Variants in CSMD1 observed in about 807,000 individuals in gnomAD.
The protein encoded by CSMD1 is CUB and sushi domain-containing protein 1.
A neutral mutation model predicts 417.5 loss-of-function variants in CSMD1; 213 were observed. The observed-to-expected ratio is 0.51, with a 90% CI of 0.46 to 0.57. The LOEUF (loss-of-function observed/expected upper bound fraction) is 0.57, where lower values mean the gene tolerates loss of function less well. Ranked by LOEUF, CSMD1 falls within the 20% of genes least tolerant of loss-of-function variation. The probability of loss-of-function intolerance (pLI) is 0.00; values close to 1 mark genes in which losing one functional copy is unlikely to be tolerated. For synonymous variants in CSMD1, 2,862 were observed against 1,736.8 expected (o/e 1.65, Z -16.11); for missense variants, 6,923 against 4,529.7 (o/e 1.53, Z -15.17).
At chr8:4,597,142 A>G (rs1223264130) in intron 2 of CSMD1, among the ~76,000 whole-genome samples, 1 of 152,180 alleles carries the variant, frequency 6.6e-6, no homozygotes, top group Non-Finnish European at 1.5e-5. Flanking sequence ...CAGCTAACAA[A>G]AGCAGTTTCC....
At chr8:3,752,238 C>G (rs1040900666) in intron 6 of CSMD1, among the ~76,000 whole-genome samples, 1 of 150,228 alleles carries the variant, frequency 6.7e-6, no homozygotes, top group Admixed American at 6.6e-5. Flanking sequence ...AGGGAAAGCA[C>G]ATTAATTTCA....
chr8:3,277,528 G>A (rs1453073604), intron 26 of CSMD1, among the ~76,000 whole-genome samples: 2 of 152,138 alleles, frequency 1.3e-5, no homozygotes, highest in East Asian at 3.9e-4. Flanking sequence ...TGTGGTGTGA[G>A]ATCTACAGAG....
At chr8:3,909,771 C>T (rs535583159) in intron 5 of CSMD1, among the ~76,000 whole-genome samples, 3 of 152,146 alleles carry the variant, frequency 2.0e-5, no homozygotes, top group South Asian at 2.1e-4. Flanking sequence ...AATACGAACT[C>T]GACAAATTTG....
At chr8:4,004,333 T>C (rs1413964314) in intron 4 of CSMD1, among the ~76,000 whole-genome samples, 1 of 152,024 alleles carries the variant, frequency 6.6e-6, no homozygotes. Context: ...CTTTATGTGT[T>C]TCTGAGAGAG....
At chr8:4,452,404 G>T (rs867159234) in intron 2 of CSMD1, among the ~76,000 whole-genome samples, 1 of 152,182 alleles carries the variant, frequency 6.6e-6, no homozygotes, top group Non-Finnish European at 1.5e-5. Flanking sequence ...GGGGTTCAGA[G>T]GTTCATGTTC....
At chr8:4,426,065 C>A (rs1325182350) in intron 2 of CSMD1, among the ~76,000 whole-genome samples, 1 of 150,368 alleles carries the variant, frequency 6.7e-6, no homozygotes, top group Non-Finnish European at 1.5e-5. Flanking sequence ...AGAAAACTGG[C>A]CATAAATAAA....
chr8:4,321,058 A>G (rs549839647), intron 3 of CSMD1, among the ~76,000 whole-genome samples: 2 of 152,164 alleles, frequency 1.3e-5, no homozygotes, highest in East Asian at 3.9e-4. Flanking sequence ...TTACACACAG[A>G]TCTCTTATGA....
intron 5 of CSMD1, among the ~76,000 whole-genome samples, chr8:3,957,429 G>T (rs943811107): frequency 6.6e-6 from 1 of 152,166 alleles, no homozygotes; most frequent in Non-Finnish European, 1.5e-5. Flanking sequence ...TGTAAACCCA[G>T]CACTTTGGGA....
At chr8:4,227,287 G>A (rs75257190) in intron 3 of CSMD1, among the ~76,000 whole-genome samples, 16 of 151,982 alleles carry the variant, frequency 1.1e-4, no homozygotes, top group Admixed American at 2.0e-4. Flanking sequence ...ATATCCCCTC[G>A]GTCTGCCTTG....
intron 3 of CSMD1, among the ~76,000 whole-genome samples, chr8:4,415,064 C>T (rs1443433163): frequency 2.6e-5 from 4 of 152,272 alleles, no homozygotes; most frequent in African/African-American, 9.6e-5. Flanking sequence ...GAAAGTAATT[C>T]AGCTTTTTTT....
chr8:2,951,354 T>C (rs1460462395), intron 65 of CSMD1, 79 bp from the exon 66 acceptor site: 4 of 1,398,864 alleles, frequency 2.9e-6, no homozygotes, highest in Admixed American at 4.8e-5. Flanking sequence ...ACAGAAGGCA[T>C]CATACTGCTT....
At chr8:4,701,160 C>G (rs1188383932) in intron 1 of CSMD1, among the ~76,000 whole-genome samples, 2 of 152,004 alleles carry the variant, frequency 1.3e-5, no homozygotes, top group African/African-American at 4.8e-5. Flanking sequence ...TGTGGGCTCC[C>G]CCACAGCTAG....
rs150840969 is a variant in CSMD1, at chr8:3,155,816, G to C, written c.5914+2081C>G. Among the ~76,000 whole-genome samples, 18 of 152,274 alleles carry C rather than the reference G, an allele frequency of 1.2e-4. No individual in the cohort carries two copies. In the East Asian group the frequency reaches 2.9e-3, roughly 25 times the overall value. On this transcript the variant is annotated intron_variant, in intron 39 of 69. Coordinates refer to ENST00000635120, the MANE Select transcript of CSMD1 (RefSeq NM_033225.6). ...TTCACTTGTAAGCAACTATGATGTA[G>C]TGAACATAACATAAACAGACGTTCT...
chr8:4,040,703 T>C (rs1008498813), intron 3 of CSMD1, among the ~76,000 whole-genome samples: 3 of 152,162 alleles, frequency 2.0e-5, no homozygotes, highest in African/African-American at 7.2e-5. Flanking sequence ...ATTCATATAA[T>C]AGCAAAAACA....
chr8:4,144,997 T>C (rs1804024198), intron 3 of CSMD1, among the ~76,000 whole-genome samples: 1 of 151,164 alleles, frequency 6.6e-6, no homozygotes, highest in South Asian at 2.1e-4. Flanking sequence ...TAAAACGTTC[T>C]CTACTTTATA....
chr8:3,247,246 G>C (rs770034147), intron 26 of CSMD1, among the ~76,000 whole-genome samples: 1 of 152,188 alleles, frequency 6.6e-6, no homozygotes, highest in Non-Finnish European at 1.5e-5. Flanking sequence ...CATTCACAGC[G>C]ATGTGGGTGG....
intron 1 of CSMD1, among the ~76,000 whole-genome samples, chr8:4,841,930 A>AAAAAAAAAAAAAAAAAAAAC (rs1192383183): frequency 8.2e-6 from 1 of 122,426 alleles, no homozygotes; most frequent in African/African-American, 3.3e-5. Context: ...AAAAAAAAAA[A>AAAAAAAAAAAAAAAAAAAAC]AAAAAAAAGT....
chr8:4,003,414 A>C (rs562158959), intron 4 of CSMD1, among the ~76,000 whole-genome samples: 1 of 133,746 alleles, frequency 7.5e-6, no homozygotes, highest in Non-Finnish European at 1.7e-5. Context: ...AAACAAAAAA[A>C]CAAACAAATA....
chr8:4,449,704 G>C lies in CSMD1; in HGVS notation c.303-29639C>G, dbSNP rs373235970. Reference sequence around the variant, plus strand: ...ATGGGAAGAGAGGGAGAGAGAGGGAGTATGGGGAAGAAATGCCAGAATAGG... The same window carrying C: ...ATGGGAAGAGAGGGAGAGAGAGGGACTATGGGGAAGAAATGCCAGAATAGG... On this transcript the variant is annotated intron_variant, in intron 2 of 69. Transcript: ENST00000635120. Among the ~76,000 whole-genome samples the C allele has an allele frequency of 2.8e-4, 43 of 152,276 alleles. No individual in the cohort carries two copies. The East Asian group carries it at 5.8e-3, about 21-fold the overall frequency.
Sources: allele counts gnomAD v4.1 joint callset (sites outside exome capture counted in the v4.1 genomes callset), GRCh38; gene constraint gnomAD v4.1.1; transcripts MANE v1.5; gene names NCBI Gene and HGNC (gene_info 2026-07-23, HGNC 2026-07-21).